The following TBXAS1 variants were observed in gnomAD, a reference collection of about 807,000 sequenced individuals.
TBXAS1 encodes the protein thromboxane A synthase 1.
In TBXAS1, 48 loss-of-function variants were observed where a neutral mutation model predicts 60.7. The observed-to-expected ratio is 0.79, with a 90% CI of 0.63 to 1.01. The LOEUF (loss-of-function observed/expected upper bound fraction) is 1.01. Among genes scored for constraint, TBXAS1 ranks in the 50% least tolerant of loss-of-function variants. The pLI is 0.00. For missense variants in TBXAS1, 685 were observed against 686.3 expected, an observed-to-expected ratio of 1.00 and a Z score of 0.02; for synonymous variants, 287 against 269.7, an observed-to-expected ratio of 1.06 and a Z score of -0.63.
chr7:139,870,913 C>A (rs1440426226), intron 1 of TBXAS1, among the ~76,000 whole-genome samples: 2 of 152,112 alleles, frequency 1.3e-5, no homozygotes, highest in Non-Finnish European at 2.9e-5. Context: ...TATAGGGAGA[C>A]CCTGTCTCTA....
chr7:139,948,353 G>C (rs368866334), intron 5 of TBXAS1, among the ~76,000 whole-genome samples: 1 of 152,150 alleles, frequency 6.6e-6, no homozygotes, highest in Admixed American at 6.5e-5. Flanking sequence ...TTCTTATAAG[G>C]ACACCAATCC....
At chr7:139,831,571 G>A (rs188995912) in intron 1 of TBXAS1, among the ~76,000 whole-genome samples, 1 of 152,210 alleles carries the variant, frequency 6.6e-6, no homozygotes, top group East Asian at 1.9e-4. Flanking sequence ...ATTAGTCTTT[G>A]CTTTAAGTGT....
At chr7:139,879,868 GTGTGTGTGTGTT>G (rs1802556656) in intron 3 of TBXAS1, among the ~76,000 whole-genome samples, 1 of 116,250 alleles carries the variant, frequency 8.6e-6, no homozygotes, top group East Asian at 2.5e-4. Flanking sequence ...GTGTGTGTGT[GTGTGTGTGTGTT>G]TTGTTTTGTT....
chr7:139,786,033 C>T (rs1459309521), intron 3 of TBXAS1, among the ~76,000 whole-genome samples: 1 of 149,206 alleles, frequency 6.7e-6, no homozygotes. Context: ...TTCATTTTTT[C>T]CTATCTAGTA....
chr7:139,813,265 A>G (rs1005299783), intron 4 of TBXAS1, among the ~76,000 whole-genome samples: 1 of 152,122 alleles, frequency 6.6e-6, no homozygotes, highest in African/African-American at 2.4e-5. Context: ...GGCCTTTCAG[A>G]GACCTTCCAG....
At chr7:139,804,318 C>G (rs1797790208) in intron 4 of TBXAS1, among the ~76,000 whole-genome samples, 1 of 152,190 alleles carries the variant, frequency 6.6e-6, no homozygotes, top group African/African-American at 2.4e-5. Context: ...CAATTTCTCC[C>G]ATTTGAAATG....
intron 1 of TBXAS1, among the ~76,000 whole-genome samples, chr7:139,836,523 C>T (rs1361281366): frequency 6.6e-6 from 1 of 152,114 alleles, no homozygotes; most frequent in Non-Finnish European, 1.5e-5. Flanking sequence ...AATACTTAGT[C>T]AACTGATCTT....
chr7:139,863,172 A>G (rs1025351727), intron 1 of TBXAS1, among the ~76,000 whole-genome samples: 1 of 152,232 alleles, frequency 6.6e-6, no homozygotes, highest in Non-Finnish European at 1.5e-5. Context: ...ACTAAAAACT[A>G]TTGTAAATTA....
At position 139,952,742 on chromosome 7, in the gene TBXAS1, C is replaced by T. The variant is rs988269712; in HGVS notation, c.451-626C>T. 7.5e-6 allele frequency: 11 copies of T among 1,466,748 alleles called. No individual in the cohort carries two copies. In the Admixed American group the frequency reaches 9.9e-5, roughly 13 times the overall value. The allele number at this position is 1,466,748 out of a possible 1,614,324, so 90.9% of individuals were successfully genotyped here. A position where few individuals can be genotyped will look rare whatever the true frequency, so the allele number is the denominator to read the frequency against. ...TATTTTCCTATTAAAAAAAAGAAAC[C>T]CAACAATTGCCCCATGTGGGCATAG... On this transcript the variant is annotated intron_variant, in intron 5 of 12. Transcript: ENST00000448866.
chr7:139,913,810 C>T (rs893546811), intron 4 of TBXAS1: 9 of 152,280 alleles, frequency 5.9e-5, no homozygotes, highest in African/African-American at 1.2e-4. Context: ...GTTCCCTAGA[C>T]GATATTTAAG....
intron 4 of TBXAS1, among the ~76,000 whole-genome samples, chr7:139,800,275 C>T (rs1287424985): frequency 6.6e-6 from 1 of 152,162 alleles, no homozygotes; most frequent in Non-Finnish European, 1.5e-5. Flanking sequence ...ATCCAAGATC[C>T]TTATAGTAGC....
chr7:139,827,946 T>A (rs1381976024), upstream of TBXAS1, among the ~76,000 whole-genome samples: 3 of 152,236 alleles, frequency 2.0e-5, no homozygotes, highest in Non-Finnish European at 4.4e-5. Flanking sequence ...GATAACCTGA[T>A]GACAATGTGC....
upstream of TBXAS1, among the ~76,000 whole-genome samples, chr7:139,825,321 A>G (rs1422111520): frequency 6.6e-6 from 1 of 152,080 alleles, no homozygotes; most frequent in African/African-American, 2.4e-5. Flanking sequence ...AACCCCGAGC[A>G]TCTCTCATTT....
intron 1 of TBXAS1, among the ~76,000 whole-genome samples, chr7:139,831,702 C>A (rs1021946575): frequency 3.9e-5 from 6 of 152,182 alleles, no homozygotes; most frequent in Non-Finnish European, 5.9e-5. Flanking sequence ...GAGGCCAAGG[C>A]AGACAGATCA....
At chr7:139,926,602 G>C (rs1413009717) in intron 4 of TBXAS1, among the ~76,000 whole-genome samples, 1 of 136,978 alleles carries the variant, frequency 7.3e-6, no homozygotes, top group East Asian at 2.1e-4. Context: ...TCGATCTTTT[G>C]TATTGTTTCC....
intron 5 of TBXAS1, among the ~76,000 whole-genome samples, chr7:139,951,909 GAAAGAA>G (rs199691289): frequency 0.71 from 50,159 of 70,154 alleles, 20,593 homozygotes; most frequent in Admixed American, 0.8. Flanking sequence ...GAAAGAAAGA[GAAAGAA>G]AGAGAGAAAG....
chr7:139,998,218 T>C (rs1000895427), intron 9 of TBXAS1, among the ~76,000 whole-genome samples: 20 of 152,262 alleles, frequency 1.3e-4, no homozygotes, highest in African/African-American at 4.1e-4. Context: ...CTGAGGGGCA[T>C]GTGACCGGGA....
At chr7:139,952,759 T>TGG in intron 5 of TBXAS1, 1 of 1,427,132 alleles carries the variant, frequency 7.0e-7, no homozygotes, top group South Asian at 1.5e-5. Context: ...TTGCCCCATG[T>TGG]GGGCATAGGA....
In TBXAS1 at chr7:139,960,520, C is replaced by T. The variant is rs1003699635; in HGVS notation, c.820-1399C>T. On this transcript the variant is annotated intron_variant, in intron 8 of 12. Coordinates refer to ENST00000448866, the MANE Select transcript of TBXAS1 (RefSeq NM_001061.7). ...GGAATCATCAGGAGGCTGAGGCGGG[C>T]GGATCACCTGAAGTCAGGAGTTCGA... 7.2e-5 allele frequency among the ~76,000 whole-genome samples: 11 copies of T among 151,974 alleles called. No individual in the cohort carries two copies. The East Asian group carries it at 9.7e-4, about 13-fold the overall frequency.
Sources: gnomAD v4.1 joint callset for allele counts (sites outside exome capture counted in the v4.1 genomes callset) on GRCh38, gnomAD v4.1.1 for gene constraint, MANE v1.5 for transcripts, NCBI Gene and HGNC (gene_info 2026-07-23, HGNC 2026-07-21) for gene names.